Variants in FGF14 observed in about 807,000 individuals in gnomAD.
The protein encoded by FGF14 is fibroblast growth factor 14.
In FGF14, 5 loss-of-function variants were observed where a neutral mutation model predicts 25.5. The ratio of observed to expected loss-of-function variants is 0.20; its 90% CI spans 0.10 to 0.41. The LOEUF is 0.41. Ranked by LOEUF, FGF14 falls within the 10% of genes least tolerant of loss-of-function variation. FGF14 has a pLI of 1.00. For missense variants in FGF14, 222 were observed against 320.1 expected, an observed-to-expected ratio of 0.69 and a Z score of 2.34; for synonymous variants, 138 against 118.3, an observed-to-expected ratio of 1.17 and a Z score of -1.08.
At chr13:102,305,317 T>C (rs1370376827) in intron 1 of FGF14, among the ~76,000 whole-genome samples, 2 of 151,990 alleles carry the variant, frequency 1.3e-5, no homozygotes, top group African/African-American at 4.8e-5. Context: ...CTCCAATGAC[T>C]TTAAACTTTA....
At chr13:102,159,567 G>A (rs563869720) in intron 1 of FGF14, among the ~76,000 whole-genome samples, 13 of 152,288 alleles carry the variant, frequency 8.5e-5, no homozygotes, top group South Asian at 2.1e-4. Flanking sequence ...CAAGAAAGTC[G>A]GAGGCAGAGC....
chr13:101,944,116 CA>C lies in FGF14; in HGVS notation c.209-68821del, dbSNP rs1426835210. 3.3e-5 allele frequency among the ~76,000 whole-genome samples: 5 copies of C among 151,746 alleles called. No individual in the cohort carries two copies. The East Asian group carries it at 9.7e-4, about 29-fold the overall frequency. On this transcript the variant is annotated intron_variant, in intron 1 of 4. Coordinates refer to the FGF14 transcript ENST00000376131. ...GACTGTGAAGTTGTCTGCATATTTT[CA>C]AAGACAGTGCCATACTGCAGAAAGA...
In FGF14 at chr13:102,152,548, G is replaced by A. The variant is rs768539209; in HGVS notation, c.208+248923C>T. Among the ~76,000 whole-genome samples the A allele has an allele frequency of 5.3e-5, 8 of 152,206 alleles. No homozygotes were observed. The South Asian group carries it at 8.3e-4, about 16-fold the overall frequency. On this transcript the variant is annotated intron_variant, in intron 1 of 4. Coordinates refer to the FGF14 transcript ENST00000376131. ...TAATTTTGACTTAATACCTATCTCC[G>A]AATACAGTTGCATTTTGGAGTATAG...
intron 1 of FGF14, among the ~76,000 whole-genome samples, chr13:102,368,238 T>C (rs2057774934): frequency 6.6e-6 from 1 of 152,246 alleles, no homozygotes; most frequent in Non-Finnish European, 1.5e-5. Context: ...ATTTTGATAA[T>C]TAAATGAGAA....
At chr13:101,867,889 GACACACACACACACACACACAC>G (rs370683665) in intron 3 of FGF14, among the ~76,000 whole-genome samples, 6 of 140,680 alleles carry the variant, frequency 4.3e-5, no homozygotes, top group Non-Finnish European at 6.1e-5. Context: ...TTCTGTTTAA[GACACACACACACACACACACAC>G]ACACACACAC....
intron 3 of FGF14, among the ~76,000 whole-genome samples, chr13:101,773,402 T>C (rs539397428): frequency 7.0e-4 from 106 of 151,966 alleles, no homozygotes; most frequent in African/African-American, 2.4e-3. Flanking sequence ...CACCAAGCAC[T>C]TGTGGGCATT....
chr13:102,186,869 A>G (rs1016885779), intron 1 of FGF14, among the ~76,000 whole-genome samples: 5 of 152,204 alleles, frequency 3.3e-5, no homozygotes, highest in Admixed American at 2.0e-4. Context: ...ATGCAGGCAC[A>G]CACCGGAGTT....
chr13:102,206,266 C>T (rs529661657), intron 1 of FGF14, among the ~76,000 whole-genome samples: 74 of 152,054 alleles, frequency 4.9e-4, no homozygotes, highest in Non-Finnish European at 8.7e-4. Flanking sequence ...GTGAAGCTCC[C>T]ACATCCTCTC....
chr13:101,957,615 T>G (rs1016695468), intron 1 of FGF14, among the ~76,000 whole-genome samples: 2 of 152,200 alleles, frequency 1.3e-5, no homozygotes, highest in African/African-American at 4.8e-5. Flanking sequence ...CATATGCATA[T>G]TAGTATTTGA....
At chr13:101,736,399 A>T (rs2036190153) in intron 3 of FGF14, among the ~76,000 whole-genome samples, 1 of 152,194 alleles carries the variant, frequency 6.6e-6, no homozygotes, top group Non-Finnish European at 1.5e-5. Context: ...ATTATGTGAA[A>T]ACATTTATAA....
chr13:102,145,193 C>T (rs1456836222), intron 1 of FGF14, among the ~76,000 whole-genome samples: 1 of 152,142 alleles, frequency 6.6e-6, no homozygotes, highest in Non-Finnish European at 1.5e-5. Flanking sequence ...CTTAGCACTT[C>T]TATGTGATTT....
intron 1 of FGF14, among the ~76,000 whole-genome samples, chr13:102,095,134 C>T (rs2044331849): frequency 6.6e-6 from 1 of 152,042 alleles, no homozygotes; most frequent in Non-Finnish European, 1.5e-5. Flanking sequence ...GAAACTGTGT[C>T]CAGATGTTGT....
intron 1 of FGF14, among the ~76,000 whole-genome samples, chr13:102,267,029 C>T (rs989686984): frequency 3.3e-5 from 5 of 151,918 alleles, no homozygotes; most frequent in Admixed American, 1.3e-4. Flanking sequence ...AAATAAAAGA[C>T]GATGAAGTTA....
At chr13:102,348,440 C>T (rs757750258) in intron 1 of FGF14, among the ~76,000 whole-genome samples, 30 of 152,242 alleles carry the variant, frequency 2.0e-4, no homozygotes, top group South Asian at 8.3e-4. Context: ...TCCCTCCATC[C>T]ATAGTGCAGA....
intron 1 of FGF14, among the ~76,000 whole-genome samples, chr13:102,017,508 T>C (rs1325053870): frequency 1.3e-5 from 2 of 152,160 alleles, no homozygotes; most frequent in African/African-American, 4.8e-5. Flanking sequence ...CCTTGGTAGA[T>C]TATTTCTCTT....
At chr13:101,807,888 G>T (rs1281084231) in intron 3 of FGF14, among the ~76,000 whole-genome samples, 1 of 152,010 alleles carries the variant, frequency 6.6e-6, no homozygotes, top group East Asian at 1.9e-4. Context: ...AAGAATGCTG[G>T]ATTCTCAGGC....
chr13:102,398,061 A>G (rs2058623917), intron 1 of FGF14, among the ~76,000 whole-genome samples: 2 of 145,294 alleles, frequency 1.4e-5, no homozygotes, highest in African/African-American at 5.1e-5. Context: ...TTCTCTGATA[A>G]TAGTTGTTAG....
At chr13:102,274,483 C>A (rs200281568) in intron 1 of FGF14, among the ~76,000 whole-genome samples, 1 of 152,094 alleles carries the variant, frequency 6.6e-6, no homozygotes, top group Non-Finnish European at 1.5e-5. Context: ...TTCATGAAAG[C>A]AAGGATGCTG....
At chr13:102,354,497 GACCAA>G (rs1018044093) in intron 1 of FGF14, among the ~76,000 whole-genome samples, 11 of 152,052 alleles carry the variant, frequency 7.2e-5, no homozygotes, top group African/African-American at 2.7e-4. Context: ...CACCTTTCCA[GACCAA>G]ACCAATCTAC....
Sources: gnomAD v4.1 joint callset for allele counts (sites outside exome capture counted in the v4.1 genomes callset) on GRCh38, gnomAD v4.1.1 for gene constraint, MANE v1.5 for transcripts, NCBI Gene and HGNC (gene_info 2026-07-23, HGNC 2026-07-21) for gene names.